Variants in MDGA2 observed in about 807,000 individuals in gnomAD.
MDGA2 encodes the protein MAM domain-containing glycosylphosphatidylinositol anchor protein 2.
Under a neutral mutation model 117.8 loss-of-function variants are expected in MDGA2, and 40 were observed. That is an observed-to-expected ratio of 0.34 (90% confidence interval 0.26 to 0.44). The LOEUF (loss-of-function observed/expected upper bound fraction) is 0.44, where lower values mean the gene tolerates loss of function less well. Among genes scored for constraint, MDGA2 ranks in the 20% least tolerant of loss-of-function variants. The pLI is 1.00. For synonymous variants in MDGA2, 452 were observed against 439.0 expected, an observed-to-expected ratio of 1.03 and a Z score of -0.37; for missense variants, 1,123 against 1,250.6, an observed-to-expected ratio of 0.90 and a Z score of 1.54.
At chr14:46,906,979 T>C (rs1033597795) in intron 10 of MDGA2, among the ~76,000 whole-genome samples, 41 of 141,468 alleles carry the variant, frequency 2.9e-4, no homozygotes, top group African/African-American at 5.8e-4. Flanking sequence ...TTTCTTTTTT[T>C]TTTTTTTTTT....
chr14:47,314,845 C>T (rs1594790551), intron 1 of MDGA2, among the ~76,000 whole-genome samples: 1 of 151,700 alleles, frequency 6.6e-6, no homozygotes, highest in Admixed American at 6.6e-5. Flanking sequence ...ACAATATGAC[C>T]AATACAAAAA....
intron 6 of MDGA2, among the ~76,000 whole-genome samples, chr14:47,075,742 G>A (rs1298230420): frequency 6.6e-6 from 1 of 151,904 alleles, no homozygotes; most frequent in Non-Finnish European, 1.5e-5. Context: ...CTGGGTAAAG[G>A]CTATATATGA....
intron 1 of MDGA2, among the ~76,000 whole-genome samples, chr14:47,595,990 C>A (rs896957696): frequency 2.6e-5 from 4 of 152,074 alleles, no homozygotes; most frequent in South Asian, 2.1e-4. Flanking sequence ...AATCATAGAA[C>A]ACAGAAAACT....
At chr14:47,541,452 A>T (rs1895351070) in intron 1 of MDGA2, among the ~76,000 whole-genome samples, 1 of 152,140 alleles carries the variant, frequency 6.6e-6, no homozygotes, top group Non-Finnish European at 1.5e-5. Flanking sequence ...TGGTTTCTAA[A>T]TTTACCCTTT....
At chr14:47,586,544 A>G (rs1249860567) in intron 1 of MDGA2, among the ~76,000 whole-genome samples, 1 of 151,918 alleles carries the variant, frequency 6.6e-6, no homozygotes, top group African/African-American at 2.4e-5. Context: ...ATCAGGACTC[A>G]AGTCCACTGG....
At chr14:47,422,176 T>G (rs1892593848) in intron 1 of MDGA2, among the ~76,000 whole-genome samples, 1 of 152,194 alleles carries the variant, frequency 6.6e-6, no homozygotes, top group Non-Finnish European at 1.5e-5. Context: ...TTCTCAGTAG[T>G]TTGTAATAGC....
At chr14:47,522,741 T>G (rs1459882615) in intron 1 of MDGA2, among the ~76,000 whole-genome samples, 2 of 152,244 alleles carry the variant, frequency 1.3e-5, no homozygotes, top group African/African-American at 4.8e-5. Flanking sequence ...CTTTATAGTA[T>G]TTCGAAAACC....
intron 3 of MDGA2, among the ~76,000 whole-genome samples, chr14:47,210,879 G>C (rs1416621021): frequency 6.6e-6 from 1 of 151,922 alleles, no homozygotes; most frequent in Non-Finnish European, 1.5e-5. Flanking sequence ...AGCTATTCAG[G>C]AGCCTGAGGG....
intron 3 of MDGA2, 71 bp downstream of exon 3, chr14:47,217,950 A>C: frequency 7.9e-7 from 1 of 1,259,796 alleles, no homozygotes; most frequent in Non-Finnish European, 1.1e-6. Context: ...GTTTTTCAGA[A>C]AACCATAGAC....
chr14:47,468,539 G>C (rs1893650925), intron 1 of MDGA2, among the ~76,000 whole-genome samples: 1 of 152,110 alleles, frequency 6.6e-6, no homozygotes, highest in Non-Finnish European at 1.5e-5. Flanking sequence ...ACTAAGAGTT[G>C]AGACCAAAAT....
At chr14:47,198,014 A>T (rs947779085) in intron 3 of MDGA2, among the ~76,000 whole-genome samples, 1 of 152,178 alleles carries the variant, frequency 6.6e-6, no homozygotes, top group Non-Finnish European at 1.5e-5. Flanking sequence ...GATACCATTC[A>T]TATGCACTTT....
chr14:46,950,212 CTAATT>C, intron 9 of MDGA2, among the ~76,000 whole-genome samples: 6 of 151,526 alleles, frequency 4.0e-5, no homozygotes, highest in African/African-American at 1.5e-4. Flanking sequence ...ATTTTTATTC[CTAATT>C]TTTCAGATTT....
At chr14:47,514,629 G>A (rs947686724) in intron 1 of MDGA2, among the ~76,000 whole-genome samples, 13 of 151,952 alleles carry the variant, frequency 8.6e-5, no homozygotes, top group African/African-American at 1.7e-4. Context: ...TTATACAGAC[G>A]GGGTCTTATT....
At chr14:47,034,498 G>C (rs1278461181) in intron 8 of MDGA2, among the ~76,000 whole-genome samples, 1 of 151,860 alleles carries the variant, frequency 6.6e-6, no homozygotes, top group South Asian at 2.1e-4. Context: ...ACAACTTCAG[G>C]TATGCAAATA....
At chr14:47,484,427 T>G (rs1460128136) in intron 1 of MDGA2, among the ~76,000 whole-genome samples, 1 of 152,194 alleles carries the variant, frequency 6.6e-6, no homozygotes, top group African/African-American at 2.4e-5. Context: ...GCTAAATTAG[T>G]GCTTTAAAAG....
intron 1 of MDGA2, among the ~76,000 whole-genome samples, chr14:47,568,419 C>T (rs548206700): frequency 3.9e-5 from 6 of 152,174 alleles, no homozygotes; most frequent in African/African-American, 9.6e-5. Context: ...GCATGGACTA[C>T]GGATTAATAA....
intron 8 of MDGA2, among the ~76,000 whole-genome samples, chr14:47,001,722 G>A (rs953047580): frequency 3.3e-5 from 5 of 152,008 alleles, no homozygotes; most frequent in Non-Finnish European, 5.9e-5. Context: ...ACAAAATGAT[G>A]TATAATACTC....
At chr14:47,612,249 T>TAGATAGAC (rs1896863891) in intron 1 of MDGA2, among the ~76,000 whole-genome samples, 2 of 151,980 alleles carry the variant, frequency 1.3e-5, no homozygotes, top group Non-Finnish European at 1.5e-5. Flanking sequence ...GATAGATAGA[T>TAGATAGAC]AGATAGATCT....
intron 6 of MDGA2, among the ~76,000 whole-genome samples, chr14:47,087,290 G>A (rs1890935782): frequency 6.6e-6 from 1 of 151,564 alleles, no homozygotes; most frequent in Admixed American, 6.6e-5. Flanking sequence ...CTAGGCAGGT[G>A]GATCACCTGA....
Sources: allele counts gnomAD v4.1 joint callset (sites outside exome capture counted in the v4.1 genomes callset), GRCh38; gene constraint gnomAD v4.1.1; transcripts MANE v1.5; gene names NCBI Gene and HGNC (gene_info 2026-07-23, HGNC 2026-07-21).